TRDN: variants seen among roughly 807,000 people sequenced by gnomAD.
TRDN encodes triadin.
In TRDN, 161 loss-of-function variants were observed where a neutral mutation model predicts 149.7. That is an observed-to-expected ratio of 1.08 (90% CI 0.95 to 1.23). The LOEUF (loss-of-function observed/expected upper bound fraction) is 1.23, where lower values mean the gene tolerates loss of function less well. Among genes scored for constraint, TRDN ranks in the 50% most tolerant of loss-of-function variants. TRDN has a pLI of 0.00. For missense variants in TRDN, 896 were observed against 823.5 expected (o/e 1.09, Z -1.08); for synonymous variants, 294 against 250.5 (o/e 1.17, Z -1.64).
At chr6:123,223,267 C>A (rs1352431210) in intron 39 of TRDN, among the ~76,000 whole-genome samples, 4 of 151,626 alleles carry the variant, frequency 2.6e-5, no homozygotes, top group Non-Finnish European at 5.9e-5. Flanking sequence ...ACGGGAGGAA[C>A]AGACACTGAG....
intron 38 of TRDN, among the ~76,000 whole-genome samples, chr6:123,228,626 C>T (rs1254477230): frequency 6.6e-6 from 1 of 151,886 alleles, no homozygotes; most frequent in Non-Finnish European, 1.5e-5. Flanking sequence ...CCAGGTCCCT[C>T]CCACAACATG....
chr6:123,576,986 A>G (rs1782889223), intron 1 of TRDN, among the ~76,000 whole-genome samples: 1 of 152,064 alleles, frequency 6.6e-6, no homozygotes, highest in African/African-American at 2.4e-5. Context: ...AAAAAAGAAA[A>G]TGCCAACTTC....
At chr6:123,280,270 G>A (rs1777534041) in intron 24 of TRDN, among the ~76,000 whole-genome samples, 2 of 152,186 alleles carry the variant, frequency 1.3e-5, no homozygotes, top group African/African-American at 2.4e-5. Context: ...GCACTGAACA[G>A]CATATACACA....
intron 5 of TRDN, 144 bp from the exon 6 acceptor site, chr6:123,516,350 G>T: frequency 9.9e-7 from 1 of 1,010,500 alleles, no homozygotes; most frequent in Non-Finnish European, 1.3e-6. Flanking sequence ...GTAGTTAGAG[G>T]TTTAAACTTC....
intron 24 of TRDN, among the ~76,000 whole-genome samples, chr6:123,293,483 G>C (rs1254141606): frequency 1.3e-5 from 2 of 152,110 alleles, no homozygotes; most frequent in African/African-American, 4.8e-5. Context: ...GATTCCACTT[G>C]TAAGTTAGGA....
chr6:123,323,117 A>T (rs1305445880), intron 23 of TRDN, among the ~76,000 whole-genome samples: 1 of 152,160 alleles, frequency 6.6e-6, no homozygotes, highest in Admixed American at 6.6e-5. Context: ...CAAAATGCTA[A>T]CTTCATTTTT....
rs769586528 is a variant in TRDN, at chr6:123,464,976, G to T, written c.861C>A (p.Ser287Arg). The change falls in exon 10 of 41, where the codon AGC (serine) becomes AGA (arginine). Residue 287 changes from serine to arginine, a missense_variant. Coordinates refer to ENST00000334268, the MANE Select transcript of TRDN (RefSeq NM_006073.4). ...TCGGTAAGGGAGGTGGAATGGCTGG[G>T]CTTTGTCCTACACAATGTAGAAGTA... ...FVHGDLKPGQ[S>R]PAIPPPLPTE... The T allele has an allele frequency of 1.9e-6, 3 of 1,592,954 alleles. No individual in the cohort carries two copies. Among genetic ancestry groups the T allele is most frequent in the Non-Finnish European group, 2.6e-6 (3 of 1,169,276 alleles).
chr6:123,222,826 G>A (rs1451531228), intron 39 of TRDN, among the ~76,000 whole-genome samples: 1 of 151,692 alleles, frequency 6.6e-6, no homozygotes, highest in Non-Finnish European at 1.5e-5. Context: ...TCATTACAAA[G>A]TGGTCAAAGG....
At chr6:123,378,500 G>GTGTGTGT in intron 16 of TRDN, among the ~76,000 whole-genome samples, 1 of 136,510 alleles carries the variant, frequency 7.3e-6, no homozygotes, top group African/African-American at 2.8e-5. Context: ...GTGTGTGTGT[G>GTGTGTGT]GAGACAAAGT....
chr6:123,448,032 A>G (rs1241673282), intron 10 of TRDN, among the ~76,000 whole-genome samples: 1 of 152,192 alleles, frequency 6.6e-6, no homozygotes, highest in East Asian at 1.9e-4. Context: ...AGCTGAGTCA[A>G]TTTGGAGAGT....
chr6:123,472,617 C>T (rs1562333000), intron 9 of TRDN, among the ~76,000 whole-genome samples: 1 of 152,358 alleles, frequency 6.6e-6, no homozygotes, highest in Non-Finnish European at 1.5e-5. Flanking sequence ...GTAGGCTCCA[C>T]CTCTGGGGGC....
chr6:123,248,423 G>A (rs900423536), intron 38 of TRDN, among the ~76,000 whole-genome samples: 1 of 152,002 alleles, frequency 6.6e-6, no homozygotes, highest in Non-Finnish European at 1.5e-5. Context: ...CAGGTGTGGT[G>A]GTGGGCACCT....
Position 123,503,791 on chromosome 6 carries a change from G to C in TRDN, c.721C>G (p.Gln241Glu). The change falls in exon 8 of 41, where the codon CAG becomes GAG. Residue 241 changes from glutamine to glutamate, a missense_variant. Coordinates refer to ENST00000334268, the MANE Select transcript of TRDN (RefSeq NM_006073.4). ...TCTTTGGGTTTTGATGGTGTTTTCT[G>C]TACTTCTTTTACTTTTGCAGCTGTT... ...KQTAAKVKEV[Q>E]KTPSKPKEKE... is the part of the protein sequence containing the mutation. The C allele has an allele frequency of 6.2e-7, 1 of 1,613,006 alleles. No homozygotes were observed. Among genetic ancestry groups the C allele is most frequent in the Non-Finnish European group, 8.5e-7 (1 of 1,179,482 alleles).
rs549102996 is a variant in TRDN, at chr6:123,247,204, G to A, written c.1975+5208C>T. 2.0e-5 allele frequency among the ~76,000 whole-genome samples: 3 copies of A among 152,306 alleles called. No homozygotes were observed. In the South Asian group the frequency reaches 6.2e-4, roughly 32 times the overall value. On this transcript the variant is annotated intron_variant, in intron 38 of 40. Transcript: ENST00000334268. ...TTGAAAACTGGCACAAGACAAGTAT[G>A]TGCTCTCTCACCACTCCTATTTAAC...
intron 1 of TRDN, among the ~76,000 whole-genome samples, chr6:123,590,968 T>G (rs1347529742): frequency 2.6e-5 from 4 of 152,124 alleles, no homozygotes; most frequent in Admixed American, 2.6e-4. Context: ...ATTTATTGAG[T>G]AGCCCAAGCG....
chr6:123,366,023 C>G (rs1562279959), intron 20 of TRDN, 112 bp downstream of exon 20: 10 of 885,514 alleles, frequency 1.1e-5, no homozygotes, highest in Non-Finnish European at 6.8e-6. Flanking sequence ...TATCAACGAA[C>G]TAGTAAAATC....
chr6:123,289,345 A>G (rs1210687925), intron 24 of TRDN, among the ~76,000 whole-genome samples: 3 of 151,982 alleles, frequency 2.0e-5, no homozygotes, highest in Non-Finnish European at 4.4e-5. Context: ...AGATGGGAAA[A>G]GCGATGATGC....
chr6:123,265,455 T>TA, intron 32 of TRDN, 117 bp from the exon 33 acceptor site: 1 of 592,738 alleles, frequency 1.7e-6, no homozygotes, highest in South Asian at 2.5e-5. Context: ...AGACTAAACT[T>TA]ATATCAACAA....
At chr6:123,454,521 C>T (rs117331090) in intron 10 of TRDN, among the ~76,000 whole-genome samples, 4,295 of 152,226 alleles carry the variant, frequency 0.028, 100 homozygotes, top group South Asian at 0.063. Context: ...CATCTTATAA[C>T]CTGTGAGGAA....
Sources: allele counts gnomAD v4.1 joint callset (sites outside exome capture counted in the v4.1 genomes callset), GRCh38; gene constraint gnomAD v4.1.1; transcripts MANE v1.5; gene names NCBI Gene and HGNC (gene_info 2026-07-23, HGNC 2026-07-21).